KIF2A: variants seen among roughly 807,000 people sequenced by gnomAD.
KIF2A encodes kinesin family member 2A, also known as kinesin-like protein KIF2A.
In KIF2A, 22 loss-of-function variants were observed where a neutral mutation model predicts 100.2. The observed-to-expected ratio is 0.22, with a 90% CI of 0.16 to 0.31. KIF2A has a LOEUF of 0.31. Ranked by LOEUF, KIF2A falls within the 10% of genes least tolerant of loss-of-function variation. The pLI is 1.00. For missense variants in KIF2A, 495 were observed against 898.7 expected, an observed-to-expected ratio of 0.55 and a Z score of 5.74; for synonymous variants, 268 against 285.9, an observed-to-expected ratio of 0.94 and a Z score of 0.63.
chr5:62,350,765 T>C (rs1747809226), intron 4 of KIF2A, among the ~76,000 whole-genome samples: 1 of 150,668 alleles, frequency 6.6e-6, no homozygotes, highest in Non-Finnish European at 1.5e-5. Context: ...TACAAAAAAT[T>C]AGCCAGGCAT....
Position 62,366,406 on chromosome 5 carries a change from TC to T in KIF2A, c.1579-6del, listed in dbSNP as rs765791384. 34 of 1,557,016 alleles carry T rather than the reference TC, an allele frequency of 2.2e-5. No homozygotes were observed. The highest frequency in any genetic ancestry group is 9.3e-5 in the Admixed American group (5 of 53,614). The stretch of plus-strand genomic sequence containing the variant: ...TTTGTTTACCTTTGCATTTTTTTTT[TC>T]CTGTAGATTGCCACAATCTCTCCAG... On this transcript the variant is annotated splice_region_variant and splice_polypyrimidine_tract_variant and intron_variant, in intron 15 of 20. Coordinates refer to ENST00000407818, the MANE Select transcript of KIF2A (RefSeq NM_001098511.3).
At chr5:62,335,520 G>A (rs1746895322) in intron 1 of KIF2A, among the ~76,000 whole-genome samples, 1 of 152,156 alleles carries the variant, frequency 6.6e-6, no homozygotes, top group African/African-American at 2.4e-5. Context: ...GTACAGGGGT[G>A]GGCCTGGAGG....
chr5:62,350,526 T>A (rs575954414), intron 4 of KIF2A, among the ~76,000 whole-genome samples: 1 of 152,186 alleles, frequency 6.6e-6, no homozygotes, highest in South Asian at 2.1e-4. Flanking sequence ...CCTCCTGGCT[T>A]GGCCTCCCAA....
At chr5:62,337,997 A>G (rs1316471903) in intron 1 of KIF2A, among the ~76,000 whole-genome samples, 1 of 152,198 alleles carries the variant, frequency 6.6e-6, no homozygotes, top group Non-Finnish European at 1.5e-5. Context: ...TAAAGTTTAT[A>G]CAGACATGCA....
chr5:62,351,204 C>T (rs1747839323), intron 4 of KIF2A, among the ~76,000 whole-genome samples: 1 of 151,834 alleles, frequency 6.6e-6, no homozygotes, highest in Admixed American at 6.6e-5. Flanking sequence ...GCATTCCAGC[C>T]TGGGCAATAG....
intron 1 of KIF2A, among the ~76,000 whole-genome samples, chr5:62,336,867 A>G (rs1746980382): frequency 6.6e-6 from 1 of 152,242 alleles, no homozygotes; most frequent in African/African-American, 2.4e-5. Context: ...CAAATGAACA[A>G]ATCCCAGGTG....
rs1332815020 is a variant in KIF2A at position 62,390,038 on chromosome 5, T to C, written c.*4469T>C. Among the ~76,000 whole-genome samples the C allele has an allele frequency of 6.6e-6, 1 of 152,226 alleles. No homozygotes were observed. Among genetic ancestry groups the C allele is most frequent in the Non-Finnish European group, 1.5e-5 (1 of 68,034 alleles). On this transcript the variant is annotated 3_prime_UTR_variant, in exon 21 of 21. Coordinates refer to ENST00000407818, the MANE Select transcript of KIF2A (RefSeq NM_001098511.3). The stretch of plus-strand genomic sequence containing the variant: ...GTACTGCTAGCCAGCCAATAAAATA[T>C]AAACTCCATTTGTCTTAGTTATATA...
intron 1 of KIF2A, among the ~76,000 whole-genome samples, chr5:62,323,287 A>G (rs902693572): frequency 6.6e-6 from 1 of 151,896 alleles, no homozygotes; most frequent in Non-Finnish European, 1.5e-5. Context: ...AGATGGAAAA[A>G]TAAATGTATT....
intron 16 of KIF2A, among the ~76,000 whole-genome samples, chr5:62,369,481 A>C (rs1323379402): frequency 2.6e-5 from 4 of 152,156 alleles, no homozygotes; most frequent in Admixed American, 1.3e-4. Flanking sequence ...TGATTCAGTT[A>C]CCTCCACGTG....
chr5:62,311,717 G>T (rs1745560001), intron 1 of KIF2A: 1 of 152,196 alleles, frequency 6.6e-6, no homozygotes. Flanking sequence ...TTATGTGATT[G>T]ATTATGGGGG....
chr5:62,313,894 C>A (rs1307282703), intron 1 of KIF2A, among the ~76,000 whole-genome samples: 1 of 151,982 alleles, frequency 6.6e-6, no homozygotes, highest in Non-Finnish European at 1.5e-5. Context: ...TGGACTCAAG[C>A]AATCCTCTCA....
In KIF2A at chr5:62,388,052, A is replaced by G. The variant is rs1306225549; in HGVS notation, c.*2483A>G. 1 of 152,188 alleles carries G rather than the reference A, an allele frequency of 6.6e-6. No homozygotes were observed. Among genetic ancestry groups the G allele is most frequent in the African/African-American group, 2.4e-5 (1 of 41,450 alleles). The allele number at this position is 152,188 out of a possible 1,614,324, so 9.4% of individuals were successfully genotyped here. On this transcript the variant is annotated 3_prime_UTR_variant, in exon 21 of 21. Coordinates refer to ENST00000407818, the MANE Select transcript of KIF2A (RefSeq NM_001098511.3). ...CACTTAGTATTATATTGACTTAAACATAGTAGCTAATAAAACTAGTTTATG... is the reference window on the plus strand; with the variant it reads ...CACTTAGTATTATATTGACTTAAACGTAGTAGCTAATAAAACTAGTTTATG...
intron 1 of KIF2A, among the ~76,000 whole-genome samples, chr5:62,312,772 C>T (rs1175443385): frequency 6.6e-6 from 1 of 152,106 alleles, no homozygotes; most frequent in South Asian, 2.1e-4. Flanking sequence ...GGAAGTGTTC[C>T]TTTTAAAAGT....
At chr5:62,356,218 A>G (rs1007892917) in intron 7 of KIF2A, among the ~76,000 whole-genome samples, 2 of 152,226 alleles carry the variant, frequency 1.3e-5, no homozygotes, top group African/African-American at 4.8e-5. Context: ...ATAGAATTGA[A>G]TAGAATTGTT....
intron 1 of KIF2A, among the ~76,000 whole-genome samples, chr5:62,314,490 G>A (rs1396313935): frequency 6.6e-6 from 1 of 152,058 alleles, no homozygotes; most frequent in Non-Finnish European, 1.5e-5. Context: ...GACCAAGGAA[G>A]CAGAGCATGG....
In KIF2A at chr5:62,372,431, G is replaced by T. The variant is rs377744912; in HGVS notation, c.1647-7G>T. ...TCTTTTAATTTGTTGCTCTTTTGGTGCTGCAGAGTAAAGGAGTTTGGAATT... is the reference window on the plus strand; with the variant it reads ...TCTTTTAATTTGTTGCTCTTTTGGTTCTGCAGAGTAAAGGAGTTTGGAATT... On this transcript the variant is annotated splice_polypyrimidine_tract_variant and splice_region_variant and intron_variant, in intron 16 of 20. Transcript: ENST00000407818. The T allele has an allele frequency of 6.6e-7, 1 of 1,520,600 alleles. No homozygotes were observed. Among genetic ancestry groups the T allele is most frequent in the African/African-American group, 1.4e-5 (1 of 73,024 alleles). 94.2% of individuals were successfully genotyped at this position (1,520,600 alleles called of 1,614,324 possible).
intron 7 of KIF2A, among the ~76,000 whole-genome samples, chr5:62,355,660 G>A (rs187522378): frequency 6.6e-6 from 1 of 152,246 alleles, no homozygotes; most frequent in African/African-American, 2.4e-5. Context: ...AGTTTTAAAT[G>A]TTATTCTGGC....
chr5:62,313,611 C>G (rs2111778090), intron 1 of KIF2A, among the ~76,000 whole-genome samples: 1 of 152,112 alleles, frequency 6.6e-6, no homozygotes, highest in Admixed American at 6.5e-5. Flanking sequence ...CCTCAGCCTC[C>G]CAAAATGCTG....
At chr5:62,363,638 T>A in intron 13 of KIF2A, 57 bp from the exon 14 acceptor site, 1 of 1,441,924 alleles carries the variant, frequency 6.9e-7, no homozygotes, top group Middle Eastern at 1.8e-4. Context: ...AATAATGTGG[T>A]TTGAACATGT....
Sources: allele counts gnomAD v4.1 joint callset (sites outside exome capture counted in the v4.1 genomes callset), GRCh38; gene constraint gnomAD v4.1.1; transcripts MANE v1.5; gene names NCBI Gene and HGNC (gene_info 2026-07-23, HGNC 2026-07-21).